Variants in GALNT18 observed in about 807,000 individuals in gnomAD.
GALNT18 encodes the protein polypeptide N-acetylgalactosaminyltransferase 18.
In GALNT18, 44 loss-of-function variants were observed where a neutral mutation model predicts 69.5. The ratio of observed to expected loss-of-function variants is 0.63; its 90% CI spans 0.50 to 0.81. The LOEUF is 0.81. Among genes scored for constraint, GALNT18 ranks in the 40% least tolerant of loss-of-function variants. The probability of loss-of-function intolerance (pLI) is 0.00; values close to 1 mark genes in which losing one functional copy is unlikely to be tolerated. For synonymous variants in GALNT18, 364 were observed against 318.2 expected, an observed-to-expected ratio of 1.14 and a Z score of -1.53; for missense variants, 715 against 810.0, an observed-to-expected ratio of 0.88 and a Z score of 1.42.
At chr11:11,280,034 A>T (rs893032144) in intron 10 of GALNT18, among the ~76,000 whole-genome samples, 1 of 152,100 alleles carries the variant, frequency 6.6e-6, no homozygotes, top group African/African-American at 2.4e-5. Flanking sequence ...ACATGGGATT[A>T]CCGACTTCCT....
intron 9 of GALNT18, among the ~76,000 whole-genome samples, chr11:11,316,919 A>G (rs1196726124): frequency 1.3e-5 from 2 of 152,206 alleles, no homozygotes; most frequent in African/African-American, 4.8e-5. Flanking sequence ...TTGTCTTGTA[A>G]TGCTTGACGT....
intron 1 of GALNT18, among the ~76,000 whole-genome samples, chr11:11,506,524 C>A (rs58105813): frequency 6.6e-6 from 1 of 152,202 alleles, no homozygotes; most frequent in Non-Finnish European, 1.5e-5. Flanking sequence ...AGTGCTTGCA[C>A]TGAAGACAGT....
At chr11:11,560,358 A>G (rs1339177479) in intron 1 of GALNT18, among the ~76,000 whole-genome samples, 1 of 133,550 alleles carries the variant, frequency 7.5e-6, no homozygotes, top group East Asian at 2.2e-4. Context: ...GGAATGAAAC[A>G]GAGTAGTTGT....
At chr11:11,550,759 C>T (rs1858169099) in intron 1 of GALNT18, among the ~76,000 whole-genome samples, 1 of 152,184 alleles carries the variant, frequency 6.6e-6, no homozygotes, top group Non-Finnish European at 1.5e-5. Context: ...ATATGTGGCT[C>T]TTGAAATGTG....
intron 10 of GALNT18, among the ~76,000 whole-genome samples, chr11:11,289,991 T>C (rs1436354975): frequency 6.6e-6 from 1 of 152,206 alleles, no homozygotes; most frequent in African/African-American, 2.4e-5. Flanking sequence ...TACCCATGTC[T>C]GGATGACACC....
At position 11,602,009 on chromosome 11, in the gene GALNT18, G is replaced by A. The variant is rs79810758; in HGVS notation, c.235+19350C>T. Among the ~76,000 whole-genome samples the A allele has an allele frequency of 0.034, 5,202 of 152,112 alleles. 272 individuals carry two copies. Among genetic ancestry groups the A allele is most frequent in the African/African-American group, 0.11 (4,604 of 41,476 alleles). ...GCTACTAACCTCCTCTTAAATGCTC[G>A]GAAATTGCTTTTATGCTTGGACCTC... On this transcript the variant is annotated intron_variant, in intron 1 of 10. Coordinates refer to ENST00000227756, the MANE Select transcript of GALNT18 (RefSeq NM_198516.3). The surrounding 1 kb of genome is among the most constrained non-coding windows in gnomAD (Gnocchi z 4.7).
At chr11:11,319,974 A>G (rs1849815995) in intron 9 of GALNT18, among the ~76,000 whole-genome samples, 1 of 152,156 alleles carries the variant, frequency 6.6e-6, no homozygotes, top group Admixed American at 6.5e-5. Context: ...TTTAATCCTT[A>G]TAACAACTCC....
At chr11:11,307,756 A>G (rs1849603900) in intron 9 of GALNT18, among the ~76,000 whole-genome samples, 1 of 151,462 alleles carries the variant, frequency 6.6e-6, no homozygotes, top group Non-Finnish European at 1.5e-5. Flanking sequence ...GACCCCCCCA[A>G]GGTCACTACT....
At chr11:11,283,922 A>AT (rs1044677374) in intron 10 of GALNT18, among the ~76,000 whole-genome samples, 5 of 152,318 alleles carry the variant, frequency 3.3e-5, no homozygotes, top group African/African-American at 1.2e-4. Context: ...AATAATTCCT[A>AT]GAGCCAGGTT....
At chr11:11,400,598 C>T (rs977531691) in intron 3 of GALNT18, among the ~76,000 whole-genome samples, 3 of 152,180 alleles carry the variant, frequency 2.0e-5, no homozygotes, top group African/African-American at 7.2e-5. Flanking sequence ...ATCAAGATGC[C>T]AGCAGATCCA....
At position 11,403,499 on chromosome 11, in the gene GALNT18, A is replaced by G. The variant is rs117044814; in HGVS notation, c.596-24235T>C. Among the ~76,000 whole-genome samples the G allele has an allele frequency of 3.3e-4, 50 of 152,316 alleles. No individual in the cohort carries two copies. In the East Asian group the frequency reaches 6.4e-3, roughly 19 times the overall value. On this transcript the variant is annotated intron_variant, in intron 3 of 10. Coordinates refer to ENST00000227756, the MANE Select transcript of GALNT18 (RefSeq NM_198516.3). ...CCCAAGTCTTCCCTTCTGGAAACTGAATACTGTACTTCTAGATCCTTTCAC... is the reference window on the plus strand; with the variant it reads ...CCCAAGTCTTCCCTTCTGGAAACTGGATACTGTACTTCTAGATCCTTTCAC...
chr11:11,288,601 G>A (rs1303622928), intron 10 of GALNT18, among the ~76,000 whole-genome samples: 2 of 152,108 alleles, frequency 1.3e-5, no homozygotes, highest in Non-Finnish European at 2.9e-5. Context: ...CTCAATAAAT[G>A]TTTGATGAAC....
intron 1 of GALNT18, among the ~76,000 whole-genome samples, chr11:11,560,095 G>A (rs1388763021): frequency 1.3e-5 from 2 of 149,666 alleles, no homozygotes; most frequent in African/African-American, 4.9e-5. Flanking sequence ...TGGGCGGGAT[G>A]GAATGGAATA....
chr11:11,427,329 TC>T (rs1855156090), intron 3 of GALNT18, among the ~76,000 whole-genome samples: 1 of 152,154 alleles, frequency 6.6e-6, no homozygotes, highest in Admixed American at 6.5e-5. Flanking sequence ...ACTGCCCTGT[TC>T]CTTTGCCCTG....
chr11:11,515,159 G>A (rs1411548466), intron 1 of GALNT18, among the ~76,000 whole-genome samples: 1 of 152,142 alleles, frequency 6.6e-6, no homozygotes, highest in Non-Finnish European at 1.5e-5. Flanking sequence ...ACTGAGAATA[G>A]GGGCCTCTCC....
chr11:11,468,261 T>C (rs915493479), intron 1 of GALNT18, among the ~76,000 whole-genome samples: 4 of 152,186 alleles, frequency 2.6e-5, no homozygotes, highest in Non-Finnish European at 5.9e-5. Flanking sequence ...GTCATAATGT[T>C]TCATCTTCCC....
intron 3 of GALNT18, among the ~76,000 whole-genome samples, chr11:11,419,197 G>A (rs1471051646): frequency 6.6e-6 from 1 of 152,214 alleles, no homozygotes; most frequent in African/African-American, 2.4e-5. Flanking sequence ...GGGCCATCCA[G>A]AAAAACTAGC....
chr11:11,418,228 AAG>A, intron 3 of GALNT18, among the ~76,000 whole-genome samples: 1 of 152,218 alleles, frequency 6.6e-6, no homozygotes, highest in East Asian at 1.9e-4. Context: ...CTTTGTAGGA[AAG>A]AGAGAAGAAG....
At chr11:11,477,599 A>G (rs1856430388) in intron 1 of GALNT18, among the ~76,000 whole-genome samples, 1 of 152,160 alleles carries the variant, frequency 6.6e-6, no homozygotes, top group East Asian at 1.9e-4. Context: ...GCAGGAACCT[A>G]TTCCCCTCCT....
Sources: allele counts gnomAD v4.1 joint callset (sites outside exome capture counted in the v4.1 genomes callset), GRCh38; gene constraint gnomAD v4.1.1; non-coding constraint Gnocchi (gnomAD v3.1); transcripts MANE v1.5; gene names NCBI Gene and HGNC (gene_info 2026-07-23, HGNC 2026-07-21).